The following SLC35F3 variants were observed in gnomAD, a reference collection of about 807,000 sequenced individuals.
SLC35F3 encodes solute carrier family 35 member F3.
SLC35F3 carries 25 observed loss-of-function variants against 49.9 expected under a neutral mutation model. The ratio of observed to expected loss-of-function variants is 0.50; its 90% CI spans 0.37 to 0.70. The LOEUF (loss-of-function observed/expected upper bound fraction) is 0.70. SLC35F3 is among the 30% of genes least tolerant of loss of function. The pLI is 0.00. For missense variants in SLC35F3, 525 were observed against 639.8 expected (o/e 0.82, Z 1.94); for synonymous variants, 275 against 265.4 (o/e 1.04, Z -0.35).
At chr1:234,018,926 C>T (rs765152835) in intron 2 of SLC35F3, among the ~76,000 whole-genome samples, 17 of 152,086 alleles carry the variant, frequency 1.1e-4, no homozygotes, top group East Asian at 1.9e-4. Context: ...TTTCTGGAGA[C>T]GAATTAATTG....
In SLC35F3 at chr1:234,085,759, G is replaced by T. The variant is rs76132799; in HGVS notation, c.284-145658G>T. On this transcript the variant is annotated intron_variant, in intron 2 of 7. Coordinates refer to ENST00000366618, the MANE Select transcript of SLC35F3 (RefSeq NM_173508.4). ...TAGTAAATTCCATGTCCATGTTAGT[G>T]TGATGTCTTGGTCCTGTAAAGAGTT... 1.2e-3 allele frequency among the ~76,000 whole-genome samples: 186 copies of T among 152,254 alleles called. 1 individual carries two copies. The highest frequency in any genetic ancestry group is 3.5e-3 in the African/African-American group (147 of 41,544).
intron 2 of SLC35F3, among the ~76,000 whole-genome samples, chr1:233,955,961 CACTGCA>C (rs1222710235): frequency 7.1e-6 from 1 of 140,292 alleles, no homozygotes; most frequent in African/African-American, 2.7e-5. Flanking sequence ...GATCTCGGCT[CACTGCA>C]ACTTCCACCT....
intron 2 of SLC35F3, among the ~76,000 whole-genome samples, chr1:234,133,703 A>G (rs1665768049): frequency 1.3e-5 from 2 of 152,254 alleles, no homozygotes; most frequent in African/African-American, 4.8e-5. Context: ...TCAAGGTACC[A>G]AGTTAGAAAT....
intron 3 of SLC35F3, among the ~76,000 whole-genome samples, chr1:234,255,800 G>T (rs1667812388): frequency 6.6e-6 from 1 of 152,182 alleles, no homozygotes; most frequent in African/African-American, 2.4e-5. Flanking sequence ...GAGCTTGGGG[G>T]ATTAAAACAC....
At chr1:233,959,673 G>A (rs1662761656) in intron 2 of SLC35F3, among the ~76,000 whole-genome samples, 2 of 152,298 alleles carry the variant, frequency 1.3e-5, no homozygotes, top group East Asian at 3.9e-4. Context: ...TATTGCTGAA[G>A]AAGACCTCAG....
chr1:234,105,674 A>G (rs1211221843), intron 2 of SLC35F3, among the ~76,000 whole-genome samples: 1 of 152,202 alleles, frequency 6.6e-6, no homozygotes, highest in Non-Finnish European at 1.5e-5. Context: ...TCTCTTTTCC[A>G]AAGGAAATGA....
intron 3 of SLC35F3, chr1:234,285,682 C>T (rs1203735889): frequency 4.3e-6 from 1 of 230,208 alleles, no homozygotes; most frequent in African/African-American, 2.4e-5. Flanking sequence ...TAGTTATTAA[C>T]ATAGGTAGTG....
chr1:234,024,967 G>A (rs774173211), intron 2 of SLC35F3, among the ~76,000 whole-genome samples: 10 of 151,974 alleles, frequency 6.6e-5, no homozygotes, highest in Non-Finnish European at 1.2e-4. Context: ...TCCTTACCCT[G>A]TCCCACCCTC....
intron 2 of SLC35F3, among the ~76,000 whole-genome samples, chr1:234,203,449 A>G (rs1002767149): frequency 3.9e-5 from 6 of 152,232 alleles, no homozygotes; most frequent in Non-Finnish European, 5.9e-5. Context: ...GCAAGGGCTC[A>G]TGCCTGTAAT....
At chr1:233,999,750 T>G (rs1009236234) in intron 2 of SLC35F3, among the ~76,000 whole-genome samples, 10 of 152,158 alleles carry the variant, frequency 6.6e-5, no homozygotes, top group Non-Finnish European at 1.5e-5. Flanking sequence ...GTATTTTCTG[T>G]TTGTGCTACC....
intron 2 of SLC35F3, among the ~76,000 whole-genome samples, chr1:234,209,104 T>C (rs958518832): frequency 3.3e-5 from 5 of 152,186 alleles, no homozygotes; most frequent in African/African-American, 1.2e-4. Context: ...CAAGATATTA[T>C]CTCATGCTAA....
At chr1:234,147,206 T>C (rs1440488284) in intron 2 of SLC35F3, among the ~76,000 whole-genome samples, 2 of 150,368 alleles carry the variant, frequency 1.3e-5, no homozygotes, top group African/African-American at 4.9e-5. Context: ...TCTGGGAAAT[T>C]ACATAGTTTG....
At chr1:234,133,606 G>A (rs888645614) in intron 2 of SLC35F3, among the ~76,000 whole-genome samples, 2 of 152,118 alleles carry the variant, frequency 1.3e-5, no homozygotes, top group African/African-American at 4.8e-5. Context: ...CTCAACACTG[G>A]CCCAGATAAT....
chr1:234,113,615 G>A (rs1665441140), intron 2 of SLC35F3, among the ~76,000 whole-genome samples: 1 of 152,198 alleles, frequency 6.6e-6, no homozygotes, highest in Non-Finnish European at 1.5e-5. Flanking sequence ...TGTAATCCCA[G>A]CACTTTGGGA....
chr1:233,974,174 C>CTT (rs757673463), intron 2 of SLC35F3, among the ~76,000 whole-genome samples: 68 of 83,122 alleles, frequency 8.2e-4, no homozygotes, highest in African/African-American at 1.6e-3. Flanking sequence ...ATTTCTATTT[C>CTT]TTTTTTTTTT....
At position 234,052,148 on chromosome 1, in the gene SLC35F3, G is replaced by C. The variant is rs538140041; in HGVS notation, c.283+146390G>C. Among the ~76,000 whole-genome samples, 4 of 152,280 alleles carry C rather than the reference G, an allele frequency of 2.6e-5. No individual in the cohort carries two copies. In the South Asian group the frequency reaches 8.3e-4, roughly 32 times the overall value. On this transcript the variant is annotated intron_variant, in intron 2 of 7. Coordinates refer to ENST00000366618, the MANE Select transcript of SLC35F3 (RefSeq NM_173508.4). ...AGGCTTTGGTATCAGGATGATGCTG[G>C]CCTCATAAAATGAGTTAGGGAGGAT...
intron 2 of SLC35F3, among the ~76,000 whole-genome samples, chr1:234,128,212 T>A (rs770662571): frequency 1.6e-4 from 25 of 152,120 alleles, no homozygotes; most frequent in Non-Finnish European, 3.4e-4. Flanking sequence ...TCCAAGACAC[T>A]TTCCAGAGAG....
intron 2 of SLC35F3, among the ~76,000 whole-genome samples, chr1:233,940,209 C>G (rs2102798484): frequency 6.6e-6 from 1 of 152,220 alleles, no homozygotes; most frequent in Non-Finnish European, 1.5e-5. Context: ...CACACACACA[C>G]ATATAAAATA....
chr1:233,943,665 A>T (rs974311784), intron 2 of SLC35F3, among the ~76,000 whole-genome samples: 1 of 152,232 alleles, frequency 6.6e-6, no homozygotes, highest in Non-Finnish European at 1.5e-5. Context: ...GAATAAATCC[A>T]TATGGGCTTG....
Sources: allele counts gnomAD v4.1 joint callset (sites outside exome capture counted in the v4.1 genomes callset), GRCh38; gene constraint gnomAD v4.1.1; transcripts MANE v1.5; gene names NCBI Gene and HGNC (gene_info 2026-07-23, HGNC 2026-07-21).